IQSEC1: variants seen among roughly 807,000 people sequenced by gnomAD.
The protein encoded by IQSEC1 is IQ motif and Sec7 domain ArfGEF 1.
A neutral mutation model predicts 91.0 loss-of-function variants in IQSEC1; 31 were observed. That is an observed-to-expected ratio of 0.34 (90% CI 0.26 to 0.46). IQSEC1 has a LOEUF of 0.46. Among genes scored for constraint, IQSEC1 ranks in the 20% least tolerant of loss-of-function variants. The probability of loss-of-function intolerance (pLI) is 1.00; values close to 1 mark genes in which losing one functional copy is unlikely to be tolerated. For synonymous variants in IQSEC1, 699 were observed against 662.6 expected (o/e 1.05, Z -0.84); for missense variants, 1,388 against 1,575.6 (o/e 0.88, Z 2.02).
At chr3:12,960,560 T>C (rs546751294) in intron 1 of IQSEC1, 2 of 152,328 alleles carry the variant, frequency 1.3e-5, no homozygotes, top group East Asian at 1.9e-4. Flanking sequence ...AGAGGGTCCA[T>C]GCATTTACCA....
chr3:13,220,982 T>C (rs1039000385), intron 1 of IQSEC1, among the ~76,000 whole-genome samples: 2 of 152,186 alleles, frequency 1.3e-5, no homozygotes, highest in Admixed American at 6.5e-5. Flanking sequence ...TCATCCATGG[T>C]TGGGGAAACG....
At chr3:13,263,394 T>C (rs1695423545) in intron 1 of IQSEC1, among the ~76,000 whole-genome samples, 1 of 127,896 alleles carries the variant, frequency 7.8e-6, no homozygotes, top group Non-Finnish European at 1.7e-5. Flanking sequence ...AACCCTCCTT[T>C]GGGGGGAAAA....
At chr3:13,268,971 C>T (rs1423841376) in intron 1 of IQSEC1, among the ~76,000 whole-genome samples, 1 of 152,198 alleles carries the variant, frequency 6.6e-6, no homozygotes, top group African/African-American at 2.4e-5. Context: ...TATTCTAACA[C>T]GTGTCAGCAC....
chr3:13,180,736 C>T (rs750597765), intron 1 of IQSEC1, among the ~76,000 whole-genome samples: 17 of 150,080 alleles, frequency 1.1e-4, no homozygotes, highest in South Asian at 2.1e-4. Context: ...CCGGGAGGAA[C>T]GAACAACTCC....
At chr3:13,262,366 T>A (rs998537155) in intron 1 of IQSEC1, among the ~76,000 whole-genome samples, 1 of 152,186 alleles carries the variant, frequency 6.6e-6, no homozygotes, top group African/African-American at 2.4e-5. Context: ...CCTCTTAGGG[T>A]AGGAGCCAGC....
intron 3 of IQSEC1, among the ~76,000 whole-genome samples, chr3:12,927,258 G>C (rs1289463431): frequency 6.6e-6 from 1 of 152,192 alleles, no homozygotes; most frequent in Admixed American, 6.5e-5. Flanking sequence ...CTGGAAGAGT[G>C]CACAAAAAAT....
chr3:12,904,639 T>C (rs1173339572), intron 12 of IQSEC1, among the ~76,000 whole-genome samples: 3 of 152,064 alleles, frequency 2.0e-5, no homozygotes, highest in South Asian at 2.1e-4. Context: ...CTCAGGACAT[T>C]GTGGCGCCAT....
intron 1 of IQSEC1, among the ~76,000 whole-genome samples, chr3:13,173,879 G>A (rs980659665): frequency 6.6e-6 from 1 of 152,220 alleles, no homozygotes; most frequent in Non-Finnish European, 1.5e-5. Flanking sequence ...CCTGAATCAG[G>A]AACTCGGAGT....
At chr3:12,975,619 C>T (rs953508642) in intron 1 of IQSEC1, among the ~76,000 whole-genome samples, 1 of 152,138 alleles carries the variant, frequency 6.6e-6, no homozygotes, top group Admixed American at 6.5e-5. Context: ...CTCCACAGTC[C>T]CTCTTTCCCC....
intron 1 of IQSEC1, among the ~76,000 whole-genome samples, chr3:13,035,704 C>G (rs1704010088): frequency 6.6e-6 from 1 of 152,192 alleles, no homozygotes; most frequent in Admixed American, 6.5e-5. Flanking sequence ...TGCCAGAACC[C>G]TGCCACTCCT....
At chr3:13,036,858 C>T (rs959883356) in intron 1 of IQSEC1, among the ~76,000 whole-genome samples, 2 of 152,218 alleles carry the variant, frequency 1.3e-5, no homozygotes, top group African/African-American at 4.8e-5. Context: ...CAGTTGGCAC[C>T]TTGTGTGATC....
chr3:12,908,522 T>C lies in IQSEC1; in HGVS notation c.2582A>G (p.Glu861Gly), dbSNP rs1343496963. 6.2e-7 allele frequency: 1 copy of C among 1,613,454 alleles called. No individual in the cohort carries two copies. The highest frequency in any genetic ancestry group is 1.1e-5 in the South Asian group (1 of 91,072). Residue 861 changes from glutamate to glycine, a missense_variant, in exon 12 of 14, where the codon GAG (glutamate) becomes GGG (glycine). Coordinates refer to ENST00000613206, the MANE Select transcript of IQSEC1 (RefSeq NM_001134382.3). The surrounding 1 kb of genome is among the most constrained non-coding windows in gnomAD (Gnocchi z 4.9). ...QEMEKHRIES[E>G]LEKQKGVVRP... is the part of the protein sequence containing the mutation. Reference sequence around the variant, plus strand: ...CACGACGCCTTTCTGCTTCTCGAGCTCCGCTGGAACAGAGAGGGTGAGGGT... The same window carrying C: ...CACGACGCCTTTCTGCTTCTCGAGCCCCGCTGGAACAGAGAGGGTGAGGGT...
At chr3:13,156,533 C>T (rs1184301837) in intron 2 of IQSEC1, among the ~76,000 whole-genome samples, 1 of 152,218 alleles carries the variant, frequency 6.6e-6, no homozygotes, top group Non-Finnish European at 1.5e-5. Context: ...ACAAGCTTAG[C>T]ACATTTAGCT....
intron 1 of IQSEC1, among the ~76,000 whole-genome samples, chr3:13,229,082 A>T (rs1400313540): frequency 2.6e-5 from 4 of 152,196 alleles, no homozygotes; most frequent in African/African-American, 9.7e-5. Flanking sequence ...CACCACTGGC[A>T]TACACACACA....
intron 1 of IQSEC1, among the ~76,000 whole-genome samples, chr3:12,997,010 A>C (rs1301336620): frequency 2.0e-5 from 3 of 152,212 alleles, no homozygotes; most frequent in Non-Finnish European, 4.4e-5. Context: ...GCATGCTAAT[A>C]TAAAAATACA....
At chr3:13,005,236 C>T (rs1049940015) in intron 1 of IQSEC1, among the ~76,000 whole-genome samples, 2 of 152,072 alleles carry the variant, frequency 1.3e-5, no homozygotes, top group Admixed American at 6.6e-5. Context: ...TTGAAAAGCC[C>T]GGGAGTGCAA....
At chr3:12,915,463 G>C (rs1695990053) in intron 7 of IQSEC1, 131 bp downstream of exon 7, 1 of 973,858 alleles carries the variant, frequency 1.0e-6, no homozygotes, top group Non-Finnish European at 1.5e-6. Flanking sequence ...AAAACCCCAA[G>C]CCCTGGCAGA....
intron 1 of IQSEC1, among the ~76,000 whole-genome samples, chr3:13,218,003 GA>G (rs1210409521): frequency 6.6e-6 from 1 of 152,190 alleles, no homozygotes; most frequent in Non-Finnish European, 1.5e-5. Flanking sequence ...GAAGCATCTA[GA>G]AGCAGCACCA....
At chr3:13,145,813 G>GT (rs1476407843) in intron 2 of IQSEC1, among the ~76,000 whole-genome samples, 4 of 132,678 alleles carry the variant, frequency 3.0e-5, no homozygotes, top group Admixed American at 7.4e-5. Flanking sequence ...GCGGGGGGGG[G>GT]GGGTCCTGAT....
Sources: gnomAD v4.1 joint callset for allele counts (sites outside exome capture counted in the v4.1 genomes callset) on GRCh38, gnomAD v4.1.1 for gene constraint, Gnocchi (gnomAD v3.1) non-coding constraint, MANE v1.5 for transcripts, NCBI Gene and HGNC (gene_info 2026-07-23, HGNC 2026-07-21) for gene names.